Variants in SCGB2B2 observed in about 807,000 individuals in gnomAD.
SCGB2B2 encodes the protein secretoglobin family 2B member 2.
A neutral mutation model predicts 7.6 loss-of-function variants in SCGB2B2; 11 were observed. The ratio of observed to expected loss-of-function variants is 1.45; its 90% confidence interval spans 0.91 to 2.40. The LOEUF (loss-of-function observed/expected upper bound fraction) is 2.40, where lower values mean the gene tolerates loss of function less well. SCGB2B2 is among the 30% of genes most tolerant of loss of function. The pLI is 0.00. For synonymous variants in SCGB2B2, 50 were observed against 48.6 expected (o/e 1.03, Z -0.12); for missense variants, 104 against 115.4 (o/e 0.90, Z 0.45).
chr19:34,600,268 G>A (rs796332901), intron 1 of SCGB2B2, among the ~76,000 whole-genome samples: 1 of 152,044 alleles, frequency 6.6e-6, no homozygotes, highest in Non-Finnish European at 1.5e-5. Context: ...CCCCATTGTT[G>A]TTGATATTCA....
downstream of SCGB2B2, among the ~76,000 whole-genome samples, chr19:34,587,474 G>A (rs1188759053): frequency 6.6e-6 from 1 of 152,192 alleles, no homozygotes; most frequent in East Asian, 1.9e-4. Context: ...TCCTCTGCAA[G>A]CAGAGACAAT....
Position 34,591,224 on chromosome 19 carries a change from T to G in SCGB2B2, c.*2331A>C, listed in dbSNP as rs2065289379. 6.6e-6 allele frequency among the ~76,000 whole-genome samples: 1 copy of G among 152,212 alleles called. No individual in the cohort carries two copies. Among genetic ancestry groups the G allele is most frequent in the Non-Finnish European group, 1.5e-5 (1 of 68,044 alleles). Reference sequence around the variant, plus strand: ...CAGGCCAGCATGGGACTCTGGATCTTTGCCCTAAACCTGCTCCTCCCCAGG... The same window carrying G: ...CAGGCCAGCATGGGACTCTGGATCTGTGCCCTAAACCTGCTCCTCCCCAGG... On this transcript the variant is annotated 3_prime_UTR_variant, in exon 4 of 4. Transcript: ENST00000601241.
downstream of SCGB2B2, among the ~76,000 whole-genome samples, chr19:34,589,358 A>G (rs113809190): frequency 3.9e-5 from 6 of 151,936 alleles, no homozygotes; most frequent in African/African-American, 9.7e-5. Context: ...CCAGGGCAGG[A>G]GGCCAGCTCT....
At chr19:34,666,075 G>A (rs117369011) in intron 1 of SCGB2B2, among the ~76,000 whole-genome samples, 3,707 of 152,128 alleles carry the variant, frequency 0.024, 60 homozygotes, top group Middle Eastern at 0.1. Flanking sequence ...TCCCCAGGAC[G>A]AAGCCCACTC....
At chr19:34,668,011 G>A (rs566913853) in intron 1 of SCGB2B2, among the ~76,000 whole-genome samples, 26 of 152,372 alleles carry the variant, frequency 1.7e-4, no homozygotes, top group African/African-American at 6.3e-4. Context: ...CACATATGTA[G>A]TGAGAGGTGA....
intron 1 of SCGB2B2, among the ~76,000 whole-genome samples, chr19:34,597,090 A>G (rs2145755810): frequency 6.6e-6 from 1 of 151,140 alleles, no homozygotes; most frequent in East Asian, 2.0e-4. Flanking sequence ...ATGCTCAGTG[A>G]TGGGGTTTGT....
intron 1 of SCGB2B2, among the ~76,000 whole-genome samples, chr19:34,658,224 G>A (rs949115084): frequency 6.6e-5 from 10 of 152,094 alleles, no homozygotes; most frequent in Admixed American, 2.6e-4. Flanking sequence ...AAGACTAGCA[G>A]AATGCAAGAA....
At position 34,591,675 on chromosome 19, in the gene SCGB2B2, A is replaced by G. The variant is rs1233064929; in HGVS notation, c.*1880T>C. Among the ~76,000 whole-genome samples the G allele has an allele frequency of 6.6e-6, 1 of 152,010 alleles. No individual in the cohort carries two copies. Among genetic ancestry groups the G allele is most frequent in the African/African-American group, 2.4e-5 (1 of 41,362 alleles). The stretch of plus-strand genomic sequence containing the variant: ...GCCCCTTGTTCCAGCTGCACTGGCC[A>G]TTTCTCCAACACAACAAATCCTTTC... On this transcript the variant is annotated 3_prime_UTR_variant, in exon 4 of 4. Transcript: ENST00000601241.
intron 1 of SCGB2B2, among the ~76,000 whole-genome samples, chr19:34,640,933 GTTATA>G (rs2146004406): frequency 6.6e-6 from 1 of 152,152 alleles, no homozygotes; most frequent in African/African-American, 2.4e-5. Context: ...TCACCACTTG[GTTATA>G]TCTCCTAAGG....
At chr19:34,669,147 C>G (rs888564056) in intron 1 of SCGB2B2, among the ~76,000 whole-genome samples, 3 of 152,098 alleles carry the variant, frequency 2.0e-5, no homozygotes, top group African/African-American at 7.2e-5. Flanking sequence ...GACGCGCCGC[C>G]TTAAGAACTG....
chr19:34,631,336 C>T (rs2066528617), intron 1 of SCGB2B2, among the ~76,000 whole-genome samples: 1 of 138,190 alleles, frequency 7.2e-6, no homozygotes, highest in Admixed American at 7.2e-5. Context: ...TTTTTTTTAG[C>T]TCATCATTCT....
chr19:34,626,866 G>T lies in SCGB2B2; in HGVS notation c.-2031-30272C>A, dbSNP rs1359299051. Among the ~76,000 whole-genome samples, 4 of 152,254 alleles carry T rather than the reference G, an allele frequency of 2.6e-5. No homozygotes were observed. In the East Asian group the frequency reaches 7.7e-4, roughly 29 times the overall value. The stretch of plus-strand genomic sequence containing the variant: ...TTAAGGGTAGCCAGAGAGAAAGGTC[G>T]GGTTACCCACAAGGGGAAGCCCATC... On this transcript the variant is annotated intron_variant, in intron 1 of 3. Coordinates refer to ENST00000601241, the MANE Select transcript of SCGB2B2 (RefSeq NM_001025591.4).
chr19:34,601,073 G>C (rs1040746868), intron 1 of SCGB2B2, among the ~76,000 whole-genome samples: 1 of 152,170 alleles, frequency 6.6e-6, no homozygotes, highest in Non-Finnish European at 1.5e-5. Context: ...TTTGTGTAAG[G>C]TGTGGGTAAG....
At chr19:34,614,164 A>AT (rs981397607) in intron 1 of SCGB2B2, among the ~76,000 whole-genome samples, 10 of 151,944 alleles carry the variant, frequency 6.6e-5, no homozygotes, top group East Asian at 1.9e-4. Context: ...CAGACTTGAG[A>AT]TTTTTTTGCA....
At chr19:34,614,163 G>T (rs1483935638) in intron 1 of SCGB2B2, among the ~76,000 whole-genome samples, 1 of 152,066 alleles carries the variant, frequency 6.6e-6, no homozygotes, top group Non-Finnish European at 1.5e-5. Context: ...CCAGACTTGA[G>T]ATTTTTTTGC....
At chr19:34,611,158 A>T (rs2065915663) in intron 1 of SCGB2B2, among the ~76,000 whole-genome samples, 2 of 152,108 alleles carry the variant, frequency 1.3e-5, no homozygotes, top group South Asian at 4.1e-4. Flanking sequence ...GTGTGATATC[A>T]GTTGTGATGT....
chr19:34,601,090 A>G (rs2065611507), intron 1 of SCGB2B2, among the ~76,000 whole-genome samples: 1 of 152,176 alleles, frequency 6.6e-6, no homozygotes, highest in South Asian at 2.1e-4. Flanking sequence ...TAAGAGTCCA[A>G]TACCTTTTTA....
At chr19:34,610,474 G>C (rs2065896785) in intron 1 of SCGB2B2, among the ~76,000 whole-genome samples, 1 of 152,056 alleles carries the variant, frequency 6.6e-6, no homozygotes, top group African/African-American at 2.4e-5. Flanking sequence ...TTATGTTGGG[G>C]TACATTCTTT....
chr19:34,668,272 G>A (rs143301838), intron 1 of SCGB2B2, among the ~76,000 whole-genome samples: 2,131 of 152,234 alleles, frequency 0.014, 34 homozygotes, highest in South Asian at 0.075. Flanking sequence ...TGGGCTTGGC[G>A]GGCCCCGCAC....
Sources: gnomAD v4.1 joint callset for allele counts (sites outside exome capture counted in the v4.1 genomes callset) on GRCh38, gnomAD v4.1.1 for gene constraint, MANE v1.5 for transcripts, NCBI Gene and HGNC (gene_info 2026-07-23, HGNC 2026-07-21) for gene names.